The following CDH10 variants were observed in gnomAD, a reference collection of about 807,000 sequenced individuals.
CDH10 encodes cadherin 10, also known as cadherin-10.
A neutral mutation model predicts 73.1 loss-of-function variants in CDH10; 30 were observed. That is an observed-to-expected ratio of 0.41 (90% confidence interval 0.31 to 0.56). The LOEUF is 0.56. Ranked by LOEUF, CDH10 falls within the 20% of genes least tolerant of loss-of-function variation. CDH10 has a pLI of 0.27. For synonymous variants in CDH10, 345 were observed against 348.2 expected (o/e 0.99, Z 0.10); for missense variants, 815 against 973.7 (o/e 0.84, Z 2.17).
intron 1 of CDH10, among the ~76,000 whole-genome samples, chr5:24,634,209 C>A (rs1045940025): frequency 5.3e-5 from 8 of 151,784 alleles, no homozygotes; most frequent in African/African-American, 1.7e-4. Context: ...ATTTCTTGGG[C>A]TTTAAAAATT....
intron 1 of CDH10, among the ~76,000 whole-genome samples, chr5:24,601,804 A>G (rs911113313): frequency 8.5e-5 from 13 of 152,134 alleles, no homozygotes; most frequent in Non-Finnish European, 1.6e-4. Flanking sequence ...TTAGTTGATA[A>G]AAAGATATTT....
intron 5 of CDH10, among the ~76,000 whole-genome samples, chr5:24,532,656 T>A (rs1210140939): frequency 6.6e-6 from 1 of 152,110 alleles, no homozygotes; most frequent in East Asian, 1.9e-4. Context: ...GATAAAAAAA[T>A]TTAAAATATT....
At chr5:24,588,907 C>T (rs757912477) in intron 2 of CDH10, among the ~76,000 whole-genome samples, 1 of 152,092 alleles carries the variant, frequency 6.6e-6, no homozygotes, top group Non-Finnish European at 1.5e-5. Context: ...AACATTGATT[C>T]GTACAGCAAA....
At chr5:24,559,385 A>C (rs1744876061) in intron 2 of CDH10, among the ~76,000 whole-genome samples, 1 of 152,114 alleles carries the variant, frequency 6.6e-6, no homozygotes, top group Admixed American at 6.5e-5. Context: ...TAAGAGAAAC[A>C]TTCACAATAA....
At chr5:24,637,814 C>G (rs148655714) in intron 1 of CDH10, among the ~76,000 whole-genome samples, 45 of 151,884 alleles carry the variant, frequency 3.0e-4, no homozygotes, top group African/African-American at 1.0e-3. Context: ...TAAGTACTAT[C>G]AAAAATTTCA....
rs2111751418 is a variant in CDH10 at position 24,509,659 on chromosome 5, G to C, written c.1163C>G (p.Ser388Cys). 1 of 1,613,076 alleles carries C rather than the reference G, an allele frequency of 6.2e-7. No individual in the cohort carries two copies. Among genetic ancestry groups the C allele is most frequent in the Non-Finnish European group, 8.5e-7 (1 of 1,179,080 alleles). Reference protein sequence around the residue: ...VDEPPVFSRSSYLFEVHEDIE... With the variant: ...VDEPPVFSRSCYLFEVHEDIE... ...ATCTTCATGAACTTCAAACAGATAG[G>C]AGGACCTACTAAAAACAGGAGGTTC... Residue 388 changes from serine (S) to cysteine (C), a missense_variant, in exon 7 of 12, where the codon TCC becomes TGC. Physicochemically the swap from Ser to Cys is moderately radical, Grantham distance 112. Coordinates refer to ENST00000264463, the MANE Select transcript of CDH10 (RefSeq NM_006727.5).
Position 24,616,100 on chromosome 5 carries a change from A to C in CDH10, c.-123-22487T>G, listed in dbSNP as rs550995504. Among the ~76,000 whole-genome samples, 8 of 151,936 alleles carry C rather than the reference A, an allele frequency of 5.3e-5. No individual in the cohort carries two copies. The East Asian group carries it at 1.5e-3, about 29-fold the overall frequency. On this transcript the variant is annotated intron_variant, in intron 1 of 11. Transcript: ENST00000264463. ...AAAAGTATATATTTCATTGCATTAC[A>C]TAAATTTAGTTCTTTCAGAAAGTTA... is the stretch of plus-strand genomic sequence containing the variant.
chr5:24,604,812 G>A, intron 1 of CDH10, among the ~76,000 whole-genome samples: 1 of 147,524 alleles, frequency 6.8e-6, no homozygotes, highest in Admixed American at 6.8e-5. Flanking sequence ...GGCGGAGGTT[G>A]CAGTGAGCCG....
Position 24,488,034 on chromosome 5 carries a change from C to G in CDH10, c.1996G>C (p.Asp666His), listed in dbSNP as rs780047745. Reference protein sequence around the residue: ...SYNDEGGGEEDTQAFDIGTLR... With the variant: ...SYNDEGGGEEHTQAFDIGTLR... ...GTGCCGATATCAAAGGCCTGGGTGT[C>G]CTCCTCTCCACCACCCTCATCGTTA... The change falls in exon 12 of 12, where the codon GAC (aspartate) becomes CAC (histidine). Residue 666 changes from aspartate to histidine, a missense_variant. Coordinates refer to ENST00000264463, the MANE Select transcript of CDH10 (RefSeq NM_006727.5). 6.2e-7 allele frequency: 1 copy of G among 1,613,954 alleles called. No individual in the cohort carries two copies. The highest frequency in any genetic ancestry group is 8.5e-7 in the Non-Finnish European group (1 of 1,179,954).
intron 2 of CDH10, among the ~76,000 whole-genome samples, chr5:24,561,266 G>A (rs1169329295): frequency 1.3e-5 from 2 of 152,072 alleles, no homozygotes; most frequent in South Asian, 2.1e-4. Context: ...ATCTCTGGAG[G>A]ACTAACAAAA....
chr5:24,626,927 T>C (rs895050139), intron 1 of CDH10, among the ~76,000 whole-genome samples: 1 of 150,518 alleles, frequency 6.6e-6, no homozygotes, highest in African/African-American at 2.4e-5. Context: ...TATATAATTT[T>C]ATTGAAAAAT....
At chr5:24,546,521 A>G (rs764399773) in intron 2 of CDH10, among the ~76,000 whole-genome samples, 22 of 152,160 alleles carry the variant, frequency 1.4e-4, no homozygotes, top group Non-Finnish European at 2.8e-4. Context: ...ACTCATCTAT[A>G]AAGATCCTAT....
chr5:24,617,230 C>A (rs573768555), intron 1 of CDH10, among the ~76,000 whole-genome samples: 1 of 152,104 alleles, frequency 6.6e-6, no homozygotes, highest in Non-Finnish European at 1.5e-5. Flanking sequence ...TAGCAATGCA[C>A]CCCTCCTGCT....
intron 5 of CDH10, among the ~76,000 whole-genome samples, chr5:24,527,240 T>A (rs998156709): frequency 1.0e-4 from 15 of 148,278 alleles, no homozygotes; most frequent in African/African-American, 3.2e-4. Context: ...CATATATACT[T>A]ACATAATTAA....
intron 1 of CDH10, among the ~76,000 whole-genome samples, chr5:24,606,066 C>T (rs1334872724): frequency 1.3e-5 from 2 of 152,116 alleles, no homozygotes; most frequent in Non-Finnish European, 2.9e-5. Context: ...AATGTCTAGT[C>T]ACCACAAAGT....
chr5:24,535,613 A>T, intron 4 of CDH10, 90 bp downstream of exon 4: 1 of 1,156,554 alleles, frequency 8.6e-7, no homozygotes, highest in Non-Finnish European at 1.2e-6. Flanking sequence ...TATTAATGTT[A>T]AGGTTTTGTT....
At chr5:24,596,557 T>A (rs934465325) in intron 1 of CDH10, among the ~76,000 whole-genome samples, 6 of 151,998 alleles carry the variant, frequency 3.9e-5, no homozygotes, top group Admixed American at 2.0e-4. Flanking sequence ...CAATTAAAAT[T>A]TTTGAACATG....
intron 7 of CDH10, among the ~76,000 whole-genome samples, chr5:24,506,213 T>G (rs939404375): frequency 6.6e-6 from 1 of 152,150 alleles, no homozygotes; most frequent in Non-Finnish European, 1.5e-5. Context: ...AAAGTCTATA[T>G]GCATTTGAAA....
intron 11 of CDH10, 93 bp downstream of exon 11, chr5:24,491,483 G>T (rs181573268): frequency 8.7e-6 from 9 of 1,034,368 alleles, no homozygotes; most frequent in Non-Finnish European, 1.1e-5. Flanking sequence ...AAAATTTGGG[G>T]TGGTTTTGGG....
Sources: gnomAD v4.1 joint callset for allele counts (sites outside exome capture counted in the v4.1 genomes callset) on GRCh38, gnomAD v4.1.1 for gene constraint, MANE v1.5 for transcripts, NCBI Gene and HGNC (gene_info 2026-07-23, HGNC 2026-07-21) for gene names.